The following DTNA variants were observed in gnomAD, a reference collection of about 807,000 sequenced individuals.
The protein encoded by DTNA is dystrophin-related protein 3.
Under a neutral mutation model 100.7 loss-of-function variants are expected in DTNA, and 43 were observed. The ratio of observed to expected loss-of-function variants is 0.43; its 90% CI spans 0.33 to 0.55. The LOEUF (loss-of-function observed/expected upper bound fraction) is 0.55. DTNA is among the 20% of genes least tolerant of loss of function. The pLI is 0.04. For synonymous variants in DTNA, 349 were observed against 347.9 expected, an observed-to-expected ratio of 1.00 and a Z score of -0.04; for missense variants, 798 against 953.9, an observed-to-expected ratio of 0.84 and a Z score of 2.15.
chr18:34,882,136 C>A lies in DTNA; in HGVS notation c.2230C>A (p.Gln744Lys). The A allele has an allele frequency of 6.2e-7, 1 of 1,614,078 alleles. No homozygotes were observed. The highest frequency in any genetic ancestry group is 8.5e-7 in the Non-Finnish European group (1 of 1,179,994). Residue 744 changes from glutamine (Q) to lysine (K), a missense_variant, in exon 21 of 23, where the codon CAG becomes AAG. Around this residue, in one of 6 missense-constraint regions of DTNA, gnomAD observed 242 missense variants for 238.2 expected, o/e 1.02. Coordinates refer to ENST00000444659, the MANE Select transcript of DTNA (RefSeq NM_001386795.1). Reference protein sequence around the residue: ...DENYENDSVRQLENELQMEEY... With the variant: ...DENYENDSVRKLENELQMEEY... ...AAACTATGAAAATGACTCTGTCCGG[C>A]AGCTGGAGAATGAGCTCCAGATGGA... is the stretch of plus-strand genomic sequence containing the variant.
At chr18:34,516,114 C>A (rs928731580) in intron 1 of DTNA, among the ~76,000 whole-genome samples, 3 of 152,032 alleles carry the variant, frequency 2.0e-5, no homozygotes, top group African/African-American at 7.2e-5. Context: ...TCTATTTTCC[C>A]TAAGTGTTGG....
intron 1 of DTNA, among the ~76,000 whole-genome samples, chr18:34,576,944 C>T (rs1846221434): frequency 1.3e-5 from 2 of 152,146 alleles, no homozygotes; most frequent in African/African-American, 4.8e-5. Flanking sequence ...TTCTAGGCTA[C>T]AGCCTTAGAG....
intron 6 of DTNA, among the ~76,000 whole-genome samples, chr18:34,812,803 G>A (rs565528743): frequency 3.3e-5 from 5 of 152,054 alleles, no homozygotes; most frequent in Non-Finnish European, 7.4e-5. Flanking sequence ...GGGCTTAATT[G>A]TCTCACTCAG....
intron 1 of DTNA, among the ~76,000 whole-genome samples, chr18:34,609,434 C>T (rs1599001039): frequency 6.6e-6 from 1 of 151,818 alleles, no homozygotes; most frequent in Admixed American, 6.6e-5. Context: ...TTAGTAGAGA[C>T]GGAGTTTCAC....
rs199681315 is a variant in DTNA, at chr18:34,582,519, C to A, written c.-2+89005C>A. ...ACGAGTGAGGCCCAGGGCAGCCCGT[C>A]CCCACAACCTCCCAACCCCCTTGAC... On this transcript the variant is annotated intron_variant, in intron 1 of 19. Transcript: ENST00000283365. Among the ~76,000 whole-genome samples, 76 of 152,218 alleles carry A rather than the reference C, an allele frequency of 5.0e-4. No homozygotes were observed. In the East Asian group the frequency reaches 0.014, roughly 28 times the overall value.
chr18:34,709,754 G>C (rs949277000), upstream of DTNA, among the ~76,000 whole-genome samples: 2 of 152,098 alleles, frequency 1.3e-5, no homozygotes, highest in African/African-American at 4.8e-5. Flanking sequence ...TTGATGAAAA[G>C]AAAATGAAGA....
In DTNA at chr18:34,785,583, A is replaced by G. The variant is rs142929317; in HGVS notation, c.149-8454A>G. ...AGGATATTATTATTCCCATTGTACA[A>G]ATGAAGAAACACTTGAATCCCAGTG... On this transcript the variant is annotated intron_variant, in intron 3 of 22. Coordinates refer to ENST00000444659, the MANE Select transcript of DTNA (RefSeq NM_001386795.1). Among the ~76,000 whole-genome samples the G allele has an allele frequency of 1.2e-3, 178 of 152,324 alleles. 1 individual carries two copies. The highest frequency in any genetic ancestry group is 5.0e-4 in the Non-Finnish European group (34 of 68,034).
intron 3 of DTNA, among the ~76,000 whole-genome samples, chr18:34,773,245 G>A (rs777467769): frequency 1.3e-5 from 2 of 152,188 alleles, no homozygotes; most frequent in Non-Finnish European, 2.9e-5. Context: ...ATTCATGTTT[G>A]AATAACTAGG....
At chr18:34,874,902 C>T (rs2096799918) in intron 17 of DTNA, among the ~76,000 whole-genome samples, 2 of 152,202 alleles carry the variant, frequency 1.3e-5, no homozygotes, top group South Asian at 2.1e-4. Flanking sequence ...TCTTAGTCCT[C>T]GGAGACCTTC....
chr18:34,779,781 TG>T (rs2094234712), intron 3 of DTNA, among the ~76,000 whole-genome samples: 1 of 152,144 alleles, frequency 6.6e-6, no homozygotes, highest in African/African-American at 2.4e-5. Context: ...AAAATTTAAC[TG>T]GGGCAGCATA....
Position 34,864,048 on chromosome 18 carries a change from A to G in DTNA, c.1729A>G (p.Met577Val), listed in dbSNP as rs370629863. ...RELMVQLEGL[M>V]KLLKTQGAGS... is the part of the protein sequence containing the mutation. ...GCTAATGGTCCAGTTGGAGGGTCTCATGAAGCTACTAAAGGTAAGACCTGC... is the reference window on the plus strand; with the variant it reads ...GCTAATGGTCCAGTTGGAGGGTCTCGTGAAGCTACTAAAGGTAAGACCTGC... The change falls in exon 17 of 23, where the codon ATG becomes GTG. Residue 577 changes from methionine to valine, a missense_variant. Coordinates refer to ENST00000444659, the MANE Select transcript of DTNA (RefSeq NM_001386795.1). 5 of 1,609,780 alleles carry G rather than the reference A, an allele frequency of 3.1e-6. No individual in the cohort carries two copies. Among genetic ancestry groups the G allele is most frequent in the East Asian group, 2.2e-5 (1 of 44,854 alleles).
intron 1 of DTNA, among the ~76,000 whole-genome samples, chr18:34,700,095 A>G (rs1330041564): frequency 2.0e-5 from 3 of 152,216 alleles, no homozygotes; most frequent in East Asian, 1.9e-4. Context: ...CACAGAGAAA[A>G]GAGCTTAACT....
rs113472325 is a variant in DTNA, at chr18:34,710,675, AGTGTGT to A, written c.-2+251_-2+256del. The stretch of plus-strand genomic sequence containing the variant: ...TTTTATGGCAGTGTGTGTGTGTGGG[AGTGTGT>A]GTGTGTGTGTGTGTGTGTGTAAGTC... On this transcript the variant is annotated intron_variant, in intron 1 of 22. Transcript: ENST00000444659. Among the ~76,000 whole-genome samples, 308 of 147,938 alleles carry A rather than the reference AGTGTGT, an allele frequency of 2.1e-3. 2 individuals carry two copies. Among genetic ancestry groups the A allele is most frequent in the African/African-American group, 7.2e-3 (294 of 40,672 alleles).
At chr18:34,813,735 C>A (rs189459324) in intron 6 of DTNA, among the ~76,000 whole-genome samples, 85 of 151,490 alleles carry the variant, frequency 5.6e-4, no homozygotes, top group African/African-American at 2.0e-3. Context: ...CACCTGTAGT[C>A]CCAGCTAGAA....
chr18:34,553,972 A>G (rs2045743052), intron 1 of DTNA, among the ~76,000 whole-genome samples: 1 of 149,010 alleles, frequency 6.7e-6, no homozygotes, highest in Non-Finnish European at 1.5e-5. Context: ...CTTGGGCAGT[A>G]TGGCCATTTT....
intron 1 of DTNA, among the ~76,000 whole-genome samples, chr18:34,516,511 C>T (rs1171448114): frequency 6.6e-6 from 1 of 151,984 alleles, no homozygotes; most frequent in Non-Finnish European, 1.5e-5. Context: ...CCTAGTAAGC[C>T]TGGGGACTCT....
chr18:34,516,602 C>T (rs561389561), intron 1 of DTNA, among the ~76,000 whole-genome samples: 1 of 152,198 alleles, frequency 6.6e-6, no homozygotes, highest in East Asian at 1.9e-4. Context: ...TCAGAGACCT[C>T]CCCCTAGGAA....
At chr18:34,638,758 G>A (rs2058932725) in intron 1 of DTNA, among the ~76,000 whole-genome samples, 1 of 152,096 alleles carries the variant, frequency 6.6e-6, no homozygotes, top group Non-Finnish European at 1.5e-5. Context: ...AGGAAAATAG[G>A]TTCGAGTAAT....
At chr18:34,717,380 C>T (rs16965803) in intron 1 of DTNA, among the ~76,000 whole-genome samples, 2,442 of 152,200 alleles carry the variant, frequency 0.016, 54 homozygotes, top group African/African-American at 0.053. Flanking sequence ...CTGCTAAATT[C>T]GGATGATATA....
Sources: allele counts gnomAD v4.1 joint callset (sites outside exome capture counted in the v4.1 genomes callset), GRCh38; gene constraint gnomAD v4.1.1; regional missense constraint gnomAD v4.1.1; transcripts MANE v1.5; gene names NCBI Gene and HGNC (gene_info 2026-07-23, HGNC 2026-07-21).